The following PDP1 variants were observed in gnomAD, a reference collection of about 807,000 sequenced individuals.
PDP1 encodes the protein pyruvate dehydrogenase phosphatase catalytic subunit 1, also known as pyruvate dehyrogenase phosphatase catalytic subunit 1.
PDP1 carries 14 observed loss-of-function variants against 37.1 expected under a neutral mutation model. The ratio of observed to expected loss-of-function variants is 0.38; its 90% confidence interval spans 0.25 to 0.59. PDP1 has a LOEUF of 0.59. Among genes scored for constraint, PDP1 ranks in the 20% least tolerant of loss-of-function variants. PDP1 has a pLI of 0.67. For missense variants in PDP1, 544 were observed against 655.3 expected (o/e 0.83, Z 1.85); for synonymous variants, 251 against 243.3 (o/e 1.03, Z -0.29).
rs1225231679 is a variant in PDP1, at chr8:93,923,667, A to G, written c.1608A>G (p.Gln536=). The G allele has an allele frequency of 6.2e-7, 1 of 1,611,956 alleles. No homozygotes were observed. Among genetic ancestry groups the G allele is most frequent in the Non-Finnish European group, 8.5e-7 (1 of 1,178,084 alleles). Residue 536 remains glutamine (Q), a synonymous_variant, in exon 2 of 2, where the codon CAA becomes CAG. Transcript: ENST00000297598. This position sits in a 1 kb window ranked among gnomAD's most constrained non-coding sequence, Gnocchi z 4.3. ...ATGTTGTAGGGGCGTATCAAAACCA[A>G]GAATAGTGAGTGGCTCTTTCACTGG... ...NSHVVGAYQN[Q]E is the part of the protein sequence containing the mutation.
In PDP1 at chr8:93,922,213, T is replaced by C. The variant is rs140713866; in HGVS notation, c.154T>C (p.Tyr52His). The C allele has an allele frequency of 3.9e-5, 63 of 1,614,182 alleles. 1 individual carries two copies. The East Asian group carries it at 1.3e-3, about 34-fold the overall frequency. Reference protein sequence around the residue: ...SRLRYTPHPAYATFCRPKENW... With the variant: ...SRLRYTPHPAHATFCRPKENW... ...ACTGAGATACACACCTCATCCAGCA[T>C]ATGCTACCTTTTGCAGGCCAAAGGA... Residue 52 changes from tyrosine to histidine, a missense_variant, in exon 2 of 2, where the codon TAT (tyrosine) becomes CAT (histidine). Transcript: ENST00000297598. This position sits in a 1 kb window ranked among gnomAD's most constrained non-coding sequence, Gnocchi z 4.0.
intron 1 of PDP1, among the ~76,000 whole-genome samples, chr8:93,917,467 C>A (rs938379684): frequency 7.2e-5 from 11 of 151,892 alleles, no homozygotes; most frequent in African/African-American, 2.4e-4. Flanking sequence ...CAGCCTGACA[C>A]CGGCCGGCCC....
rs955478928 is a variant in PDP1, at chr8:93,923,982, T to C, written c.*309T>C. The C allele has an allele frequency of 1.3e-5, 5 of 383,196 alleles. No individual in the cohort carries two copies. The highest frequency in any genetic ancestry group is 2.6e-5 in the Non-Finnish European group (5 of 191,462). 23.7% of individuals were successfully genotyped at this position (383,196 alleles called of 1,614,324 possible). A position where few individuals can be genotyped will look rare whatever the true frequency, so the allele number is the denominator to read the frequency against. ...TTAGGATGACCTGGCAAATAAGATC[T>C]TGAATAGGCCAAAAGCAAGTATCTT... On this transcript the variant is annotated 3_prime_UTR_variant, in exon 2 of 2. Transcript: ENST00000297598. The surrounding 1 kb of genome is among the most constrained non-coding windows in gnomAD (Gnocchi z 4.3).
chr8:93,919,814 T>C (rs1563515135), intron 1 of PDP1: 2 of 152,212 alleles, frequency 1.3e-5, no homozygotes, highest in South Asian at 2.1e-4. Context: ...TGAGTTGATA[T>C]GCTTTCTGCA....
Position 93,923,452 on chromosome 8 carries a change from A to G in PDP1, c.1393A>G (p.Arg465Gly), listed in dbSNP as rs775515661. ...LGQMHGLLTE[R>G]RTKMSSVFED... ...ACAGATGCATGGCCTTTTAACAGAA[A>G]GGAGAACCAAAATGTCCTCGGTATT... Residue 465 changes from arginine to glycine, a missense_variant, in exon 2 of 2, where the codon AGG becomes GGG. Physicochemically the swap from Arg to Gly is moderately radical, Grantham distance 125. Transcript: ENST00000297598. This position sits in a 1 kb window ranked among gnomAD's most constrained non-coding sequence, Gnocchi z 4.3. The G allele has an allele frequency of 4.4e-6, 7 of 1,596,718 alleles. No individual in the cohort carries two copies. The highest frequency in any genetic ancestry group is 3.4e-5 in the Admixed American group (2 of 58,714).
Position 93,922,073 on chromosome 8 carries a change from C to T in PDP1, c.14C>T (p.Thr5Ile). The stretch of plus-strand genomic sequence containing the variant: ...TTCTCTGATGCCATGCCAGCACCAA[C>T]TCAACTGTTTTTTCCTCTCATCCGT... Reference protein sequence around the residue: MPAPTQLFFPLIRNC... With the variant: MPAPIQLFFPLIRNC... Residue 5 changes from threonine to isoleucine, a missense_variant, in exon 2 of 2, where the codon ACT (threonine) becomes ATT (isoleucine). Around this residue, in one of 5 missense-constraint regions of PDP1, gnomAD observed 342 missense variants for 414.0 expected, o/e 0.83. Coordinates refer to ENST00000297598, the MANE Select transcript of PDP1 (RefSeq NM_018444.4). This position sits in a 1 kb window ranked among gnomAD's most constrained non-coding sequence, Gnocchi z 4.0. 1 of 1,611,650 alleles carries T rather than the reference C, an allele frequency of 6.2e-7. No individual in the cohort carries two copies. The highest frequency in any genetic ancestry group is 1.1e-5 in the South Asian group (1 of 90,860).
rs1442437129 is a variant in PDP1, at chr8:93,924,019, T to G, written c.*346T>G. On this transcript the variant is annotated 3_prime_UTR_variant, in exon 2 of 2. Coordinates refer to ENST00000297598, the MANE Select transcript of PDP1 (RefSeq NM_018444.4). ...AAAGCAAGTATCTTGCTGTGTGTAG[T>G]CTCTTGGTTAAAGTGAAGAAACAGT... is the stretch of plus-strand genomic sequence containing the variant. The G allele has an allele frequency of 6.0e-6, 2 of 335,238 alleles. No homozygotes were observed. The highest frequency in any genetic ancestry group is 2.2e-5 in the African/African-American group (1 of 46,418). The allele number at this position is 335,238 out of a possible 1,614,324, so 20.8% of individuals were successfully genotyped here.
At position 93,922,248 on chromosome 8, in the gene PDP1, G is replaced by A; in HGVS notation, c.189G>A (p.Trp63Ter). The A allele has an allele frequency of 6.2e-7, 1 of 1,614,192 alleles. No homozygotes were observed. The highest frequency in any genetic ancestry group is 8.5e-7 in the Non-Finnish European group (1 of 1,180,018). The part of the protein sequence containing the change: ...ATFCRPKENW[W>*]QYTQGRRYAS... ...TTTGCAGGCCAAAGGAGAACTGGTG[G>A]CAGTACACCCAAGGAAGGAGATATG... The change falls in exon 2 of 2, where the codon TGG (tryptophan) becomes TGA (stop). Residue 63 changes from tryptophan (W) to a stop codon, truncating the protein, a stop_gained. Transcript: ENST00000297598. LOFTEE classifies it high-confidence loss of function. The surrounding 1 kb of genome is among the most constrained non-coding windows in gnomAD (Gnocchi z 4.0).
chr8:93,924,908 T>G lies in PDP1; in HGVS notation c.*1235T>G, dbSNP rs1639391979. 6.0e-6 allele frequency: 1 copy of G among 167,074 alleles called. No homozygotes were observed. Among genetic ancestry groups the G allele is most frequent in the African/African-American group, 2.4e-5 (1 of 41,472 alleles). The allele number at this position is 167,074 out of a possible 1,614,324, so 10.3% of individuals were successfully genotyped here. Reference sequence around the variant, plus strand: ...GTCTCCATAATTATATTCAGTCCCTTCTAATACTGTATCAATGTAAATGAA... The same window carrying G: ...GTCTCCATAATTATATTCAGTCCCTGCTAATACTGTATCAATGTAAATGAA... On this transcript the variant is annotated 3_prime_UTR_variant, in exon 2 of 2. Transcript: ENST00000297598.
Position 93,925,192 on chromosome 8 carries a change from A to T in PDP1, c.*1519A>T, listed in dbSNP as rs1166094525. Reference sequence around the variant, plus strand: ...CTAGATGTTCAAGAACTCCTTCTGGACTGTGGATACTGAATCAGTGTACTA... The same window carrying T: ...CTAGATGTTCAAGAACTCCTTCTGGTCTGTGGATACTGAATCAGTGTACTA... On this transcript the variant is annotated 3_prime_UTR_variant, in exon 2 of 2. Transcript: ENST00000297598. 1 of 166,982 alleles carries T rather than the reference A, an allele frequency of 6.0e-6. No homozygotes were observed. The highest frequency in any genetic ancestry group is 1.9e-4 in the East Asian group (1 of 5,204). 10.3% of individuals were successfully genotyped at this position (166,982 alleles called of 1,614,324 possible). A position where few individuals can be genotyped will look rare whatever the true frequency, so the allele number is the denominator to read the frequency against.
chr8:93,917,673 T>G lies in PDP1; in HGVS notation c.-45+594T>G, dbSNP rs1810118324. 13 of 778,372 alleles carry G rather than the reference T, an allele frequency of 1.7e-5. 1 individual carries two copies. Among genetic ancestry groups the G allele is most frequent in the Non-Finnish European group, 2.0e-6 (1 of 498,978 alleles). The allele number at this position is 778,372 out of a possible 1,614,324, so 48.2% of individuals were successfully genotyped here. On this transcript the variant is annotated intron_variant, in intron 1 of 1. Transcript: ENST00000297598. ...GCTTTGCCTCCCCGGCGGGGTGGGT[T>G]GGTTTGGTTGGCTTCCTTGTTCTCT...
intron 1 of PDP1, chr8:93,921,387 T>C (rs1810264456): frequency 2.1e-6 from 2 of 957,136 alleles, no homozygotes; most frequent in Non-Finnish European, 2.5e-6. Context: ...ATACTGGAAT[T>C]TCTTTTTTTA....
In PDP1 at chr8:93,923,693, C is replaced by T; in HGVS notation, c.*20C>T. 1.3e-6 allele frequency: 2 copies of T among 1,567,370 alleles called. No individual in the cohort carries two copies. Among genetic ancestry groups the T allele is most frequent in the Non-Finnish European group, 1.8e-6 (2 of 1,137,818 alleles). On this transcript the variant is annotated 3_prime_UTR_variant, in exon 2 of 2. Transcript: ENST00000297598. This position sits in a 1 kb window ranked among gnomAD's most constrained non-coding sequence, Gnocchi z 4.3. Reference sequence around the variant, plus strand: ...GAATAGTGAGTGGCTCTTTCACTGGCAATTCTCAAATGATATACATTTAAA... The same window carrying T: ...GAATAGTGAGTGGCTCTTTCACTGGTAATTCTCAAATGATATACATTTAAA...
Position 93,923,796 on chromosome 8 carries a change from C to T in PDP1, c.*123C>T, listed in dbSNP as rs1251170653. ...TCTAAGCATTTACCCTTTTGATACT[C>T]TAGCTAGTCAGGTACTCCAAATTGA... On this transcript the variant is annotated 3_prime_UTR_variant, in exon 2 of 2. Coordinates refer to ENST00000297598, the MANE Select transcript of PDP1 (RefSeq NM_018444.4). The surrounding 1 kb of genome is among the most constrained non-coding windows in gnomAD (Gnocchi z 4.3). 1.2e-6 allele frequency: 1 copy of T among 864,216 alleles called. No individual in the cohort carries two copies. The highest frequency in any genetic ancestry group is 1.9e-5 in the Admixed American group (1 of 52,422). 53.5% of individuals were successfully genotyped at this position (864,216 alleles called of 1,614,324 possible).
At position 93,923,505 on chromosome 8, in the gene PDP1, C is replaced by T. The variant is rs137975172; in HGVS notation, c.1446C>T (p.Leu482=). ...AGGATCAGAACGCAGCAACCCATCT[C>T]ATTCGCCACGCTGTGGGCAACAACG... ...VFEDQNAATH[L]IRHAVGNNEF... The change falls in exon 2 of 2, where the codon CTC becomes CTT. Residue 482 remains leucine, a synonymous_variant. Coordinates refer to ENST00000297598, the MANE Select transcript of PDP1 (RefSeq NM_018444.4). This position sits in a 1 kb window ranked among gnomAD's most constrained non-coding sequence, Gnocchi z 4.3. 61 of 1,606,314 alleles carry T rather than the reference C, an allele frequency of 3.8e-5. 1 individual carries two copies. The African/African-American group carries it at 5.9e-4, about 15-fold the overall frequency.
chr8:93,920,818 G>A (rs746086818), intron 1 of PDP1: 80 of 680,994 alleles, frequency 1.2e-4, no homozygotes, highest in Non-Finnish European at 1.4e-4. Flanking sequence ...ATATTTATGG[G>A]GTACAATGTG....
chr8:93,921,397 A>G, intron 1 of PDP1: 1 of 910,298 alleles, frequency 1.1e-6, no homozygotes, highest in Non-Finnish European at 1.3e-6. Flanking sequence ...TTCTTTTTTT[A>G]TTTAATTATG....
intron 1 of PDP1, among the ~76,000 whole-genome samples, chr8:93,919,587 C>T (rs1242698452): frequency 6.8e-6 from 1 of 147,260 alleles, no homozygotes; most frequent in Admixed American, 7.1e-5. Context: ...AACAATCAAA[C>T]CCTGTTATGC....
chr8:93,921,730 C>A, intron 1 of PDP1: 1 of 291,472 alleles, frequency 3.4e-6, no homozygotes, highest in Non-Finnish European at 6.4e-6. Context: ...GTTGTACATT[C>A]TGCACAGTTT....
Sources: allele counts gnomAD v4.1 joint callset (sites outside exome capture counted in the v4.1 genomes callset), GRCh38; gene constraint gnomAD v4.1.1; regional missense constraint gnomAD v4.1.1; non-coding constraint Gnocchi (gnomAD v3.1); transcripts MANE v1.5; gene names NCBI Gene and HGNC (gene_info 2026-07-23, HGNC 2026-07-21).